KLRG1: variants seen among roughly 807,000 people sequenced by gnomAD.
KLRG1 encodes the protein killer cell lectin like receptor G1.
In KLRG1, 16 loss-of-function variants were observed where a neutral mutation model predicts 21.8. That is an observed-to-expected ratio of 0.73 (90% CI 0.50 to 1.11). The LOEUF is 1.11. Ranked by LOEUF, KLRG1 falls within the 50% of genes most tolerant of loss-of-function variation. The pLI is 0.00. For missense variants in KLRG1, 173 were observed against 218.3 expected, an observed-to-expected ratio of 0.79 and a Z score of 1.31; for synonymous variants, 69 against 75.9, an observed-to-expected ratio of 0.91 and a Z score of 0.47.
intron 1 of KLRG1, among the ~76,000 whole-genome samples, chr12:8,965,088 CAT>C (rs1475299789): frequency 6.6e-6 from 1 of 152,200 alleles, no homozygotes; most frequent in African/African-American, 2.4e-5. Flanking sequence ...ACAAAAACCA[CAT>C]GATTATCTCA....
the KLRG1 span, among the ~76,000 whole-genome samples, chr12:9,083,677 A>G: frequency 1.3e-5 from 2 of 151,822 alleles, no homozygotes; most frequent in Non-Finnish European, 2.9e-5. Flanking sequence ...CCTTTGCATT[A>G]AAGAAAGTCC....
the KLRG1 span, among the ~76,000 whole-genome samples, chr12:9,193,892 T>A: frequency 1.3e-5 from 2 of 151,914 alleles, no homozygotes; most frequent in Non-Finnish European, 2.9e-5. Flanking sequence ...TATCAGGCAC[T>A]TCTGCAGTGC....
the KLRG1 span, among the ~76,000 whole-genome samples, chr12:9,138,046 G>A: frequency 5.9e-5 from 9 of 151,878 alleles, no homozygotes; most frequent in Non-Finnish European, 4.4e-5. Flanking sequence ...CTAGGGCTTT[G>A]GTTCTATATT....
the KLRG1 span, chr12:9,202,563 A>T: frequency 6.2e-7 from 1 of 1,614,084 alleles, no homozygotes; most frequent in African/African-American, 1.3e-5. Flanking sequence ...GTCTGTCTGG[A>T]CAAAGACCAG....
chr12:9,004,085 T>C (rs1036634173), intron 3 of KLRG1, among the ~76,000 whole-genome samples: 2 of 152,096 alleles, frequency 1.3e-5, no homozygotes, highest in Non-Finnish European at 2.9e-5. Context: ...TGCCACATTT[T>C]CTTAATCCAG....
At chr12:9,172,072 A>G in the KLRG1 span, among the ~76,000 whole-genome samples, 2 of 152,292 alleles carry the variant, frequency 1.3e-5, no homozygotes, top group East Asian at 3.9e-4. Context: ...GAAAGAAACC[A>G]TGTTAAGGAC....
At chr12:9,025,093 A>T in the KLRG1 span, among the ~76,000 whole-genome samples, 1 of 152,326 alleles carries the variant, frequency 6.6e-6, no homozygotes, top group African/African-American at 2.4e-5. Flanking sequence ...GGCAATATGA[A>T]GGTCATGTTT....
At chr12:9,025,150 T>G in the KLRG1 span, among the ~76,000 whole-genome samples, 1 of 152,200 alleles carries the variant, frequency 6.6e-6, no homozygotes, top group African/African-American at 2.4e-5. Flanking sequence ...TTCAGCAGGC[T>G]GATCATACAA....
chr12:8,993,249 GACCGATT>G (rs1233936460), intron 2 of KLRG1, among the ~76,000 whole-genome samples: 1 of 151,880 alleles, frequency 6.6e-6, no homozygotes, highest in Admixed American at 6.6e-5. Flanking sequence ...GGATGATAGT[GACCGATT>G]ACACAGAAGT....
the KLRG1 span, chr12:9,112,487 A>C: frequency 5.6e-6 from 9 of 1,613,722 alleles, no homozygotes; most frequent in Non-Finnish European, 7.6e-6. Context: ...TGGTCCTTTC[A>C]CTTGGACAGT....
intron 1 of KLRG1, among the ~76,000 whole-genome samples, chr12:8,962,322 A>G (rs1034962906): frequency 9.2e-5 from 14 of 152,230 alleles, no homozygotes; most frequent in African/African-American, 3.4e-4. Flanking sequence ...ATCTGAAATG[A>G]TAAGATGAAT....
At chr12:9,047,507 G>C in the KLRG1 span, among the ~76,000 whole-genome samples, 1 of 151,646 alleles carries the variant, frequency 6.6e-6, no homozygotes, top group Admixed American at 6.6e-5. Flanking sequence ...AAAGAACAAG[G>C]GAAATGAATA....
the KLRG1 span, among the ~76,000 whole-genome samples, chr12:9,048,255 A>G: frequency 0.019 from 2,931 of 152,328 alleles, 102 homozygotes; most frequent in African/African-American, 0.067. Context: ...ATTAAATAAC[A>G]TACTTCTAAA....
upstream of KLRG1, among the ~76,000 whole-genome samples, chr12:8,984,620 G>A (rs925388488): frequency 2.6e-5 from 4 of 151,996 alleles, no homozygotes; most frequent in Non-Finnish European, 5.9e-5. Context: ...ATTCTTTTTG[G>A]TAGTTTCTAC....
chr12:9,093,809 C>T, the KLRG1 span, among the ~76,000 whole-genome samples: 1 of 147,696 alleles, frequency 6.8e-6, no homozygotes, highest in Non-Finnish European at 1.5e-5. Context: ...GCCTGTAATC[C>T]CAGCACTTTG....
At chr12:9,128,772 G>A in the KLRG1 span, 1 of 152,136 alleles carries the variant, frequency 6.6e-6, no homozygotes, top group Admixed American at 6.5e-5. Context: ...CAAGGGGGTG[G>A]GGGGAAGAAT....
At chr12:8,975,693 A>G (rs2110190) in intron 1 of KLRG1, among the ~76,000 whole-genome samples, 1 of 151,868 alleles carries the variant, frequency 6.6e-6, no homozygotes, top group Admixed American at 6.6e-5. Flanking sequence ...CCTCCTGAGT[A>G]GCTGAGACTA....
At chr12:9,168,364 G>A in the KLRG1 span, 5,887 of 152,418 alleles carry the variant, frequency 0.039, 394 homozygotes, top group African/African-American at 0.13. Flanking sequence ...GCTGGGTAGT[G>A]TTCAAGTGTA....
chr12:9,020,509 G>A, the KLRG1 span, among the ~76,000 whole-genome samples: 1 of 152,078 alleles, frequency 6.6e-6, no homozygotes, highest in Non-Finnish European at 1.5e-5. Context: ...GAGTTTTATA[G>A]AATCATATAG....
Sources: gnomAD v4.1 joint callset for allele counts (sites outside exome capture counted in the v4.1 genomes callset) on GRCh38, gnomAD v4.1.1 for gene constraint, MANE v1.5 for transcripts, NCBI Gene and HGNC (gene_info 2026-07-23, HGNC 2026-07-21) for gene names.